Variants in AGPS observed in about 807,000 individuals in gnomAD.
The protein encoded by AGPS is alkyldihydroxyacetonephosphate synthase, peroxisomal.
Under a neutral mutation model 90.7 loss-of-function variants are expected in AGPS, and 26 were observed. The ratio of observed to expected loss-of-function variants is 0.29; its 90% CI spans 0.21 to 0.40. AGPS has a LOEUF of 0.40. Ranked by LOEUF, AGPS falls within the 10% of genes least tolerant of loss-of-function variation. The pLI is 1.00. For synonymous variants in AGPS, 294 were observed against 285.3 expected (o/e 1.03, Z -0.31); for missense variants, 540 against 816.1 (o/e 0.66, Z 4.12).
chr2:177,481,492 T>A (rs1687942609), intron 10 of AGPS, among the ~76,000 whole-genome samples: 1 of 151,960 alleles, frequency 6.6e-6, no homozygotes, highest in South Asian at 2.1e-4. Context: ...TAATGACTAC[T>A]TTGTCTCCAT....
In AGPS at chr2:177,543,227, G is replaced by A. The variant is rs2079255342; in HGVS notation, c.*5032G>A. 1 of 152,200 alleles carries A rather than the reference G, an allele frequency of 6.6e-6. No individual in the cohort carries two copies. Among genetic ancestry groups the A allele is most frequent in the South Asian group, 2.1e-4 (1 of 4,824 alleles). 9.4% of individuals were successfully genotyped at this position (152,200 alleles called of 1,614,324 possible). ...GATGTTTGCTCACAGGCTCCCTGAG[G>A]AGCAGAACCTGTGGAGCTGGGGAGT... is the stretch of plus-strand genomic sequence containing the variant. On this transcript the variant is annotated 3_prime_UTR_variant, in exon 20 of 20. Transcript: ENST00000264167.
intron 1 of AGPS, among the ~76,000 whole-genome samples, chr2:177,403,851 T>C (rs1685394739): frequency 1.3e-5 from 2 of 152,242 alleles, no homozygotes; most frequent in Admixed American, 1.3e-4. Flanking sequence ...AGGTACCATT[T>C]ATCTGATGAG....
chr2:177,466,330 G>A (rs976856393), intron 9 of AGPS, among the ~76,000 whole-genome samples: 1 of 152,244 alleles, frequency 6.6e-6, no homozygotes, highest in African/African-American at 2.4e-5. Flanking sequence ...GTTCAGAGGG[G>A]AGGAAGTTTG....
intron 1 of AGPS, among the ~76,000 whole-genome samples, chr2:177,411,112 C>T (rs1306418009): frequency 1.3e-5 from 2 of 152,116 alleles, no homozygotes; most frequent in Non-Finnish European, 2.9e-5. Flanking sequence ...TCTGCCTGCT[C>T]TTTCTGATCT....
At chr2:177,404,198 G>T (rs985997061) in intron 1 of AGPS, among the ~76,000 whole-genome samples, 20 of 152,148 alleles carry the variant, frequency 1.3e-4, no homozygotes, top group African/African-American at 4.6e-4. Context: ...AGATGTTCTA[G>T]CCTGAGTCTT....
At chr2:177,530,709 T>C (rs1316913374) in intron 19 of AGPS, among the ~76,000 whole-genome samples, 6 of 152,204 alleles carry the variant, frequency 3.9e-5, no homozygotes, top group Admixed American at 2.6e-4. Flanking sequence ...TTTGTCTGCC[T>C]ACAATCATGC....
rs1185870396 is a variant in AGPS, at chr2:177,541,534, A to G, written c.*3339A>G. 1.3e-5 allele frequency: 2 copies of G among 152,194 alleles called. No individual in the cohort carries two copies. The highest frequency in any genetic ancestry group is 2.9e-5 in the Non-Finnish European group (2 of 68,018). 9.4% of individuals were successfully genotyped at this position (152,194 alleles called of 1,614,324 possible). ...AGGCAGCCAAAATGGAATGCTGTGG[A>G]AAGCATATCTATATCTTAAAAAACA... is the stretch of plus-strand genomic sequence containing the variant. On this transcript the variant is annotated 3_prime_UTR_variant, in exon 20 of 20. Coordinates refer to ENST00000264167, the MANE Select transcript of AGPS (RefSeq NM_003659.4).
chr2:177,523,474 A>T (rs1303858726), intron 18 of AGPS, among the ~76,000 whole-genome samples: 1 of 152,224 alleles, frequency 6.6e-6, no homozygotes, highest in Non-Finnish European at 1.5e-5. Flanking sequence ...TATTATTAAC[A>T]ATTTAGTGTG....
chr2:177,530,088 A>ATT (rs2079123553), intron 19 of AGPS, among the ~76,000 whole-genome samples: 1 of 152,218 alleles, frequency 6.6e-6, no homozygotes, highest in African/African-American at 2.4e-5. Flanking sequence ...CTCTTGCCTT[A>ATT]ACCATTAAAG....
chr2:177,417,251 C>T (rs1322330556), intron 1 of AGPS, among the ~76,000 whole-genome samples: 1 of 152,208 alleles, frequency 6.6e-6, no homozygotes, highest in East Asian at 1.9e-4. Context: ...TCAGTGTATG[C>T]AAACTCTGTT....
chr2:177,488,593 G>T (rs557599590), intron 11 of AGPS, among the ~76,000 whole-genome samples: 1 of 152,122 alleles, frequency 6.6e-6, no homozygotes. Flanking sequence ...GTTATATGTG[G>T]TTCCTCACTT....
intron 14 of AGPS, among the ~76,000 whole-genome samples, chr2:177,504,189 T>C (rs1038158371): frequency 1.3e-5 from 2 of 152,192 alleles, no homozygotes; most frequent in African/African-American, 4.8e-5. Context: ...CCTAGACCTG[T>C]GGTGCTTTTT....
rs182887870 is a variant in AGPS, at chr2:177,418,728, A to G, written c.261-1541A>G. On this transcript the variant is annotated intron_variant, in intron 1 of 19. Coordinates refer to ENST00000264167, the MANE Select transcript of AGPS (RefSeq NM_003659.4). ...GATAATTTAATCATGAAAAAAAGCA[A>G]AGTGGAAAATATCCTAATCTGTTTT... 3.2e-3 allele frequency among the ~76,000 whole-genome samples: 490 copies of G among 152,046 alleles called. 2 individuals are homozygous for G. Among genetic ancestry groups the G allele is most frequent in the African/African-American group, 0.011 (468 of 41,542 alleles).
intron 3 of AGPS, among the ~76,000 whole-genome samples, chr2:177,435,021 A>ATATATATG (rs1386186429): frequency 6.8e-6 from 1 of 146,982 alleles, no homozygotes; most frequent in African/African-American, 2.5e-5. Context: ...ATATATATAT[A>ATATATATG]TATGTATGAA....
intron 1 of AGPS, among the ~76,000 whole-genome samples, chr2:177,414,643 A>G (rs533654964): frequency 4.6e-5 from 7 of 152,294 alleles, no homozygotes; most frequent in African/African-American, 1.7e-4. Context: ...ATTTGTAGCT[A>G]TTGCTAAGAA....
At chr2:177,441,151 G>A (rs1004791675) in intron 6 of AGPS, 115 bp downstream of exon 6, 4 of 945,976 alleles carry the variant, frequency 4.2e-6, no homozygotes, top group Non-Finnish European at 6.5e-6. Context: ...TTGTGATGTG[G>A]TTATTCTCAA....
intron 19 of AGPS, among the ~76,000 whole-genome samples, chr2:177,532,377 C>G (rs2079146207): frequency 6.6e-6 from 1 of 152,044 alleles, no homozygotes. Context: ...ACATCGTTAG[C>G]TATTAGGGAA....
At chr2:177,524,141 C>T (rs1455785642) in intron 19 of AGPS, among the ~76,000 whole-genome samples, 1 of 152,132 alleles carries the variant, frequency 6.6e-6, no homozygotes, top group East Asian at 1.9e-4. Flanking sequence ...AGAAAACCTA[C>T]ATAAATGTTT....
intron 8 of AGPS, among the ~76,000 whole-genome samples, chr2:177,459,168 A>C (rs181523678): frequency 1.4e-3 from 210 of 152,320 alleles, no homozygotes; most frequent in Middle Eastern, 0.01. Flanking sequence ...AAAAAAATCA[A>C]CTCAAGATGG....
Sources: gnomAD v4.1 joint callset for allele counts (sites outside exome capture counted in the v4.1 genomes callset) on GRCh38, gnomAD v4.1.1 for gene constraint, MANE v1.5 for transcripts, NCBI Gene and HGNC (gene_info 2026-07-23, HGNC 2026-07-21) for gene names.